ATXN7L1: variants seen among roughly 807,000 people sequenced by gnomAD.
ATXN7L1 encodes ataxin 7 like 1.
ATXN7L1 carries 15 observed loss-of-function variants against 70.8 expected under a neutral mutation model. The ratio of observed to expected loss-of-function variants is 0.21; its 90% CI spans 0.14 to 0.33. ATXN7L1 has a LOEUF of 0.33. Ranked by LOEUF, ATXN7L1 falls within the 10% of genes least tolerant of loss-of-function variation. The pLI is 1.00. For synonymous variants in ATXN7L1, 440 were observed against 445.1 expected, an observed-to-expected ratio of 0.99 and a Z score of 0.14; for missense variants, 975 against 1,097.1, an observed-to-expected ratio of 0.89 and a Z score of 1.57.
intron 7 of ATXN7L1, among the ~76,000 whole-genome samples, chr7:105,627,823 C>T (rs1168990619): frequency 1.4e-5 from 2 of 146,712 alleles, no homozygotes; most frequent in African/African-American, 2.5e-5. Flanking sequence ...TGAGCCACCA[C>T]GCCCGGTCCT....
chr7:105,859,050 G>C (rs753210155), intron 2 of ATXN7L1, among the ~76,000 whole-genome samples: 1 of 152,136 alleles, frequency 6.6e-6, no homozygotes, highest in East Asian at 1.9e-4. Context: ...TAAGCTTTTG[G>C]GGGTGGGGGC....
intron 3 of ATXN7L1, among the ~76,000 whole-genome samples, chr7:105,774,355 T>TC (rs1554458489): frequency 6.9e-6 from 1 of 145,982 alleles, no homozygotes; most frequent in Non-Finnish European, 1.5e-5. Context: ...CAGCAACCCT[T>TC]TTTTTTTTTT....
chr7:105,775,723 T>C (rs1363388109), intron 3 of ATXN7L1, among the ~76,000 whole-genome samples: 1 of 152,168 alleles, frequency 6.6e-6, no homozygotes, highest in Non-Finnish European at 1.5e-5. Context: ...GTTTCTTTGC[T>C]CAGACACCAG....
chr7:105,731,655 G>T (rs1002568079), intron 3 of ATXN7L1, among the ~76,000 whole-genome samples: 2 of 150,762 alleles, frequency 1.3e-5, no homozygotes, highest in Non-Finnish European at 3.0e-5. Flanking sequence ...GGCGGGTCTT[G>T]AACTCCTGAC....
At chr7:105,754,107 G>A (rs995683219) in intron 3 of ATXN7L1, among the ~76,000 whole-genome samples, 1 of 152,202 alleles carries the variant, frequency 6.6e-6, no homozygotes, top group Admixed American at 6.5e-5. Context: ...AAAACGTGCT[G>A]TGCAAGAGGG....
intron 3 of ATXN7L1, among the ~76,000 whole-genome samples, chr7:105,716,043 G>T (rs1279521385): frequency 6.6e-6 from 1 of 152,050 alleles, no homozygotes; most frequent in East Asian, 1.9e-4. Context: ...AGATGGTGTT[G>T]GAGAAGAAGG....
At chr7:105,663,547 C>T (rs932266890) in intron 4 of ATXN7L1, among the ~76,000 whole-genome samples, 6 of 152,144 alleles carry the variant, frequency 3.9e-5, no homozygotes, top group Non-Finnish European at 7.3e-5. Context: ...ATGGACTCCA[C>T]ACTTATCCCT....
At chr7:105,758,524 T>G (rs1800091131) in intron 3 of ATXN7L1, among the ~76,000 whole-genome samples, 1 of 152,186 alleles carries the variant, frequency 6.6e-6, no homozygotes, top group Non-Finnish European at 1.5e-5. Context: ...ACTCAAGAGC[T>G]TTGGGGTTTG....
chr7:105,783,729 T>C (rs1040585230), intron 3 of ATXN7L1, among the ~76,000 whole-genome samples: 7 of 152,200 alleles, frequency 4.6e-5, no homozygotes, highest in African/African-American at 1.7e-4. Context: ...TCCTTTATAA[T>C]ATAAATAAAC....
intron 3 of ATXN7L1, among the ~76,000 whole-genome samples, chr7:105,783,826 A>AT (rs1803878434): frequency 6.6e-6 from 1 of 152,184 alleles, no homozygotes; most frequent in Non-Finnish European, 1.5e-5. Context: ...GAGACCCCTA[A>AT]TTTGTAGCCA....
At chr7:105,653,881 C>T (rs1800225790) in intron 4 of ATXN7L1, among the ~76,000 whole-genome samples, 1 of 152,144 alleles carries the variant, frequency 6.6e-6, no homozygotes, top group African/African-American at 2.4e-5. Flanking sequence ...CCCCATTCTC[C>T]AGGTGAACAC....
chr7:105,660,729 C>T (rs541658155), intron 4 of ATXN7L1, among the ~76,000 whole-genome samples: 29 of 151,902 alleles, frequency 1.9e-4, no homozygotes, highest in Admixed American at 3.9e-4. Context: ...ATTACAGGTG[C>T]GCACCACCAC....
intron 2 of ATXN7L1, among the ~76,000 whole-genome samples, chr7:105,790,663 ACTAT>A (rs60534878): frequency 4.3e-5 from 6 of 141,062 alleles, no homozygotes; most frequent in Non-Finnish European, 3.1e-5. Context: ...TCATCTATCT[ACTAT>A]CTATCTACTA....
chr7:105,636,136 T>A (rs1797320623), intron 7 of ATXN7L1, among the ~76,000 whole-genome samples: 1 of 152,158 alleles, frequency 6.6e-6, no homozygotes, highest in African/African-American at 2.4e-5. Flanking sequence ...GGCTCATGCC[T>A]GTAATGTCAG....
intron 3 of ATXN7L1, among the ~76,000 whole-genome samples, chr7:105,775,187 GC>G (rs1802554937): frequency 6.6e-6 from 1 of 152,118 alleles, no homozygotes; most frequent in South Asian, 2.1e-4. Flanking sequence ...GAAGCGCCTG[GC>G]CCTGCAAAGG....
chr7:105,655,013 G>C lies in ATXN7L1; in HGVS notation c.578+10053C>G, dbSNP rs546148360. ...CCCGCTTCAGTCTCCCAAAGTGCTG[G>C]GATTACAGGCGTGAGCCACAGTGAC... On this transcript the variant is annotated intron_variant, in intron 4 of 11. Transcript: ENST00000419735. Among the ~76,000 whole-genome samples the C allele has an allele frequency of 2.0e-4, 31 of 151,878 alleles. 1 individual carries two copies. In the South Asian group the frequency reaches 6.5e-3, roughly 32 times the overall value.
intron 3 of ATXN7L1, among the ~76,000 whole-genome samples, chr7:105,735,505 G>A (rs979628598): frequency 6.6e-6 from 1 of 152,206 alleles, no homozygotes; most frequent in African/African-American, 2.4e-5. Flanking sequence ...GCTGGCAAGA[G>A]AGACTGGACC....
chr7:105,638,659 C>A (rs1168705895), intron 6 of ATXN7L1, 50 bp from the exon 7 acceptor site: 3 of 1,489,404 alleles, frequency 2.0e-6, no homozygotes, highest in Non-Finnish European at 2.7e-6. Flanking sequence ...AGCACATAAA[C>A]CTGCTTCCCC....
chr7:105,675,834 G>A (rs1212540025), intron 3 of ATXN7L1, among the ~76,000 whole-genome samples: 1 of 150,394 alleles, frequency 6.6e-6, no homozygotes, highest in Non-Finnish European at 1.5e-5. Flanking sequence ...ATGCAGGAAG[G>A]AGACAAAAAT....
Sources: gnomAD v4.1 joint callset for allele counts (sites outside exome capture counted in the v4.1 genomes callset) on GRCh38, gnomAD v4.1.1 for gene constraint, MANE v1.5 for transcripts, NCBI Gene and HGNC (gene_info 2026-07-23, HGNC 2026-07-21) for gene names.